The following NUBPL variants were observed in gnomAD, a reference collection of about 807,000 sequenced individuals.
NUBPL encodes the protein NUBP iron-sulfur cluster assembly factor, mitochondrial.
In NUBPL, 31 loss-of-function variants were observed where a neutral mutation model predicts 45.7. The observed-to-expected ratio is 0.68, with a 90% confidence interval of 0.51 to 0.92. The LOEUF (loss-of-function observed/expected upper bound fraction) is 0.92. NUBPL is among the 40% of genes least tolerant of loss of function. The pLI, the probability that NUBPL is intolerant of heterozygous loss-of-function variation, is 0.00. For synonymous variants in NUBPL, 144 were observed against 140.9 expected (o/e 1.02, Z -0.15); for missense variants, 401 against 398.7 (o/e 1.01, Z -0.05).
In NUBPL at chr14:31,841,934, T is replaced by TTG. The variant is rs1566593655; in HGVS notation, c.694-4536_694-4535insGT. Among the ~76,000 whole-genome samples the TTG allele has an allele frequency of 1.1e-4, 14 of 123,126 alleles. 1 individual carries two copies. The highest frequency in any genetic ancestry group is 2.2e-4 in the Non-Finnish European group (13 of 57,912). 80.8% of individuals were successfully genotyped at this position (123,126 alleles called of 152,430 possible). The stretch of plus-strand genomic sequence containing the variant: ...ATTCTGGGCTTTTTTTTTTTTTTTT[T>TTG]TTTTTTTTTTTTTTGAGACGGGGTC... On this transcript the variant is annotated intron_variant, in intron 8 of 10. Transcript: ENST00000281081.
chr14:31,855,568 C>G (rs1177956806), intron 10 of NUBPL, among the ~76,000 whole-genome samples: 1 of 150,958 alleles, frequency 6.6e-6, no homozygotes, highest in Non-Finnish European at 1.5e-5. Flanking sequence ...ACATGAAGTA[C>G]TTGGTATAGT....
intron 4 of NUBPL, among the ~76,000 whole-genome samples, chr14:31,626,883 G>A (rs1029200444): frequency 3.9e-5 from 6 of 152,142 alleles, no homozygotes; most frequent in African/African-American, 1.4e-4. Flanking sequence ...AAGCCCAGAA[G>A]GGTGTCTTCA....
intron 6 of NUBPL, among the ~76,000 whole-genome samples, chr14:31,706,789 A>G (rs2139911464): frequency 6.6e-6 from 1 of 152,358 alleles, no homozygotes; most frequent in Admixed American, 6.5e-5. Context: ...GTGTGGCAGT[A>G]GGATAATACA....
intron 6 of NUBPL, among the ~76,000 whole-genome samples, chr14:31,693,448 A>T (rs948221957): frequency 5.3e-5 from 8 of 152,304 alleles, no homozygotes; most frequent in African/African-American, 1.9e-4. Context: ...CACCTCATCC[A>T]AATTTATGGT....
intron 6 of NUBPL, among the ~76,000 whole-genome samples, chr14:31,748,434 C>CAA (rs1413469731): frequency 2.0e-5 from 3 of 152,100 alleles, no homozygotes; most frequent in Admixed American, 6.5e-5. Context: ...TGGATTCAGT[C>CAA]TCTTCCCTTA....
rs565939514 is a variant in NUBPL, at chr14:31,676,936, T to C, written c.513+3362T>C. On this transcript the variant is annotated intron_variant, in intron 6 of 10. Coordinates refer to ENST00000281081, the MANE Select transcript of NUBPL (RefSeq NM_025152.3). ...GAATTCCAATTTCTTATCTTTTTTATGCTTAGTGCTTTTTGTATCCTCTTT... is the reference window on the plus strand; with the variant it reads ...GAATTCCAATTTCTTATCTTTTTTACGCTTAGTGCTTTTTGTATCCTCTTT... 1.7e-4 allele frequency among the ~76,000 whole-genome samples: 26 copies of C among 152,148 alleles called. No homozygotes were observed. In the South Asian group the frequency reaches 2.9e-3, roughly 17 times the overall value.
At chr14:31,721,809 C>G (rs1015347501) in intron 6 of NUBPL, among the ~76,000 whole-genome samples, 15 of 152,100 alleles carry the variant, frequency 9.9e-5, no homozygotes, top group African/African-American at 3.4e-4. Flanking sequence ...TTGTTCCCCT[C>G]TTTGTATTCA....
At chr14:31,758,443 T>A (rs900649312) in intron 6 of NUBPL, among the ~76,000 whole-genome samples, 2 of 152,212 alleles carry the variant, frequency 1.3e-5, no homozygotes, top group Non-Finnish European at 2.9e-5. Flanking sequence ...CAGAAAAATG[T>A]AGAAAATTCA....
intron 6 of NUBPL, among the ~76,000 whole-genome samples, chr14:31,722,155 C>T (rs1235003913): frequency 6.6e-6 from 1 of 152,024 alleles, no homozygotes; most frequent in Admixed American, 6.6e-5. Flanking sequence ...TGCCACCATG[C>T]CCAGCTAATA....
intron 3 of NUBPL, among the ~76,000 whole-genome samples, chr14:31,598,358 A>G (rs537945364): frequency 6.6e-6 from 1 of 152,274 alleles, no homozygotes; most frequent in South Asian, 2.1e-4. Flanking sequence ...TCGAGGGGTT[A>G]CGAGTTTTAT....
chr14:31,621,309 G>T (rs367565310), intron 4 of NUBPL, among the ~76,000 whole-genome samples: 1 of 151,996 alleles, frequency 6.6e-6, no homozygotes, highest in Admixed American at 6.6e-5. Context: ...TCTCACTGGC[G>T]TTCCAGGTGC....
chr14:31,562,027 G>C, intron 1 of NUBPL, 41 bp from the exon 2 acceptor site: 1 of 1,545,424 alleles, frequency 6.5e-7, no homozygotes, highest in Non-Finnish European at 8.7e-7. Context: ...GATGGAGATG[G>C]CTTATTTAAA....
chr14:31,673,515 G>A lies in NUBPL; in HGVS notation c.454G>A (p.Glu152Lys). The A allele has an allele frequency of 6.2e-7, 1 of 1,613,858 alleles. No homozygotes were observed. Among genetic ancestry groups the A allele is most frequent in the Non-Finnish European group, 8.5e-7 (1 of 1,179,872 alleles). The change falls in exon 6 of 11, where the codon GAA becomes AAA. Residue 152 changes from glutamate (E) to lysine (K), a missense_variant. Coordinates refer to ENST00000281081, the MANE Select transcript of NUBPL (RefSeq NM_025152.3). ...MSMGFLVEES[E>K]PVVWRGLMVM... ...TATGGGCTTTCTGGTTGAAGAAAGT[G>A]AACCAGTAGTTTGGAGAGGCCTTAT...
intron 6 of NUBPL, among the ~76,000 whole-genome samples, chr14:31,757,390 G>T (rs1271296464): frequency 1.3e-5 from 2 of 151,544 alleles, no homozygotes; most frequent in Non-Finnish European, 2.9e-5. Flanking sequence ...CCTGTTATTG[G>T]TCTATTCAGA....
intron 8 of NUBPL, among the ~76,000 whole-genome samples, chr14:31,841,058 C>A (rs1464739953): frequency 6.6e-6 from 1 of 152,158 alleles, no homozygotes; most frequent in Admixed American, 6.5e-5. Context: ...CTGTAGCATT[C>A]CATTAAATAT....
intron 6 of NUBPL, among the ~76,000 whole-genome samples, chr14:31,700,188 T>C (rs563414115): frequency 6.6e-6 from 1 of 152,344 alleles, no homozygotes; most frequent in Admixed American, 6.5e-5. Context: ...CAGAACAAGT[T>C]ATTATTCAGT....
At chr14:31,768,941 A>G (rs1319470965) in intron 6 of NUBPL, among the ~76,000 whole-genome samples, 3 of 152,160 alleles carry the variant, frequency 2.0e-5, no homozygotes, top group African/African-American at 7.2e-5. Flanking sequence ...TAAAACTAAT[A>G]TAAGTAGAGA....
intron 4 of NUBPL, among the ~76,000 whole-genome samples, chr14:31,626,809 A>G (rs2035217523): frequency 6.6e-6 from 1 of 152,240 alleles, no homozygotes; most frequent in Non-Finnish European, 1.5e-5. Flanking sequence ...ATTAATTCAT[A>G]TATGATTATT....
chr14:31,780,474 C>T (rs1190899635), intron 6 of NUBPL, among the ~76,000 whole-genome samples: 1 of 151,986 alleles, frequency 6.6e-6, no homozygotes, highest in South Asian at 2.1e-4. Flanking sequence ...GCAAATGCTC[C>T]CACCCTTGTT....
Sources: gnomAD v4.1 joint callset for allele counts (sites outside exome capture counted in the v4.1 genomes callset) on GRCh38, gnomAD v4.1.1 for gene constraint, MANE v1.5 for transcripts, NCBI Gene and HGNC (gene_info 2026-07-23, HGNC 2026-07-21) for gene names.